The following CCND3 variants were observed in gnomAD, a reference collection of about 807,000 sequenced individuals.
CCND3 encodes cyclin D3.
Under a neutral mutation model 28.7 loss-of-function variants are expected in CCND3, and 9 were observed. The ratio of observed to expected loss-of-function variants is 0.31; its 90% CI spans 0.19 to 0.55. CCND3 has a LOEUF of 0.55. Ranked by LOEUF, CCND3 falls within the 20% of genes least tolerant of loss-of-function variation. The pLI is 0.93. For missense variants in CCND3, 315 were observed against 385.8 expected (o/e 0.82, Z 1.54); for synonymous variants, 164 against 163.9 (o/e 1.00, Z 0.00).
chr6:41,935,558 A>G lies in CCND3; in HGVS notation c.*382T>C. 4.7e-6 allele frequency: 2 copies of G among 426,324 alleles called. No homozygotes were observed. The highest frequency in any genetic ancestry group is 8.4e-6 in the Non-Finnish European group (2 of 237,102). 26.4% of individuals were successfully genotyped at this position (426,324 alleles called of 1,614,324 possible). A position where few individuals can be genotyped will look rare whatever the true frequency, so the allele number is the denominator to read the frequency against. On this transcript the variant is annotated 3_prime_UTR_variant, in exon 5 of 5. Coordinates refer to ENST00000372991, the MANE Select transcript of CCND3 (RefSeq NM_001760.5). ...CAAATGCAATAACCCTAGAAGGGACAACACCTTTAGAAGGCACTAGAGCAT... is the reference window on the plus strand; with the variant it reads ...CAAATGCAATAACCCTAGAAGGGACGACACCTTTAGAAGGCACTAGAGCAT...
chr6:41,941,087 C>T lies in CCND3; in HGVS notation c.198+365G>A. The T allele has an allele frequency of 6.5e-7, 1 of 1,550,090 alleles. No individual in the cohort carries two copies. Among genetic ancestry groups the T allele is most frequent in the Non-Finnish European group, 8.7e-7 (1 of 1,148,642 alleles). Reference sequence around the variant, plus strand: ...AAAGACACAGGAACCGGCTCCCGGGCGGGGGCGGCCGAGCCCAGGGTTTTC... The same window carrying T: ...AAAGACACAGGAACCGGCTCCCGGGTGGGGGCGGCCGAGCCCAGGGTTTTC... On this transcript the variant is annotated intron_variant, in intron 1 of 4. Transcript: ENST00000372991. The surrounding 1 kb of genome is among the most constrained non-coding windows in gnomAD (Gnocchi z 6.1).
At chr6:42,035,912 G>T (rs1032222950) in intron 1 of CCND3, among the ~76,000 whole-genome samples, 1 of 151,992 alleles carries the variant, frequency 6.6e-6, no homozygotes, top group East Asian at 1.9e-4. Context: ...TCCTGACTTT[G>T]TGATCCCCCC....
chr6:41,959,094 C>A (rs996967707), intron 1 of CCND3, among the ~76,000 whole-genome samples: 1 of 151,992 alleles, frequency 6.6e-6, no homozygotes, highest in Non-Finnish European at 1.5e-5. Context: ...GCTGGTGGAT[C>A]ACCTGAGGTC....
At chr6:41,964,645 G>A (rs1761834355) in intron 1 of CCND3, among the ~76,000 whole-genome samples, 1 of 152,138 alleles carries the variant, frequency 6.6e-6, no homozygotes, top group African/African-American at 2.4e-5. Context: ...GGCCTATGTG[G>A]TTCAGCACTG....
chr6:41,948,276 C>T (rs944843187), intron 1 of CCND3, among the ~76,000 whole-genome samples: 1 of 152,132 alleles, frequency 6.6e-6, no homozygotes, highest in Admixed American at 6.5e-5. Context: ...TACTCCCACA[C>T]CACACCACCA....
chr6:41,954,250 T>TAAAAAAAAAAACAAAAAAAAAA (rs1776383587), intron 1 of CCND3, among the ~76,000 whole-genome samples: 1 of 35,156 alleles, frequency 2.8e-5, no homozygotes. Context: ...GATTCTGCCT[T>TAAAAAAAAAAACAAAAAAAAAA]AAAAAAAAAA....
Position 41,936,127 on chromosome 6 carries a change from G to C in CCND3, c.712-20C>G. On this transcript the variant is annotated intron_variant, in intron 4 of 4. Transcript: ENST00000372991. The surrounding 1 kb of genome is among the most constrained non-coding windows in gnomAD (Gnocchi z 4.4). ...GCAGTCCTGGGAACATGGGAGAAGA[G>C]TGAGGAGCAAACACTCCCCCCATAG... 1 of 1,554,210 alleles carries C rather than the reference G, an allele frequency of 6.4e-7. No homozygotes were observed. Among genetic ancestry groups the C allele is most frequent in the South Asian group, 1.2e-5 (1 of 82,648 alleles).
At chr6:42,025,931 A>G (rs1763863045) in intron 1 of CCND3, among the ~76,000 whole-genome samples, 1 of 152,178 alleles carries the variant, frequency 6.6e-6, no homozygotes, top group Admixed American at 6.5e-5. Flanking sequence ...TGAGTGAATT[A>G]ATGAGTGAGT....
At chr6:41,984,404 T>C (rs7750075) in intron 1 of CCND3, among the ~76,000 whole-genome samples, 150,760 of 152,244 alleles carry the variant, frequency 0.99, 74,656 homozygotes, top group Middle Eastern at 1. Flanking sequence ...TGGAGTGCAA[T>C]GGCACAATCT....
At chr6:42,009,548 G>T (rs1763276811) in intron 1 of CCND3, among the ~76,000 whole-genome samples, 1 of 152,214 alleles carries the variant, frequency 6.6e-6, no homozygotes, top group Non-Finnish European at 1.5e-5. Flanking sequence ...GGAGGCGGAG[G>T]TTGCAGTGAG....
intron 1 of CCND3, among the ~76,000 whole-genome samples, chr6:42,036,377 CTATA>C (rs1162806893): frequency 0.031 from 1,871 of 59,488 alleles, 212 homozygotes; most frequent in Middle Eastern, 0.06. Context: ...TGCATATATA[CTATA>C]TATATATATA....
At chr6:41,963,090 A>AT (rs1761766875) in intron 1 of CCND3, among the ~76,000 whole-genome samples, 1 of 152,162 alleles carries the variant, frequency 6.6e-6, no homozygotes, top group African/African-American at 2.4e-5. Context: ...CATGACCTAA[A>AT]TTCTCCGTCC....
intron 1 of CCND3, among the ~76,000 whole-genome samples, chr6:41,959,689 C>T (rs1395154662): frequency 4.0e-5 from 5 of 124,214 alleles, no homozygotes; most frequent in Non-Finnish European, 8.4e-5. Context: ...TAAATCAGGC[C>T]AGGCGCGGTG....
intron 1 of CCND3, among the ~76,000 whole-genome samples, chr6:41,970,788 A>T (rs1054853208): frequency 1.3e-5 from 2 of 152,202 alleles, no homozygotes; most frequent in Non-Finnish European, 2.9e-5. Flanking sequence ...AATCAGATGC[A>T]ATTGAGAAAT....
At chr6:41,978,800 A>C (rs1418290684) in intron 1 of CCND3, among the ~76,000 whole-genome samples, 2 of 152,146 alleles carry the variant, frequency 1.3e-5, no homozygotes, top group Non-Finnish European at 2.9e-5. Flanking sequence ...CCTTTCTTTA[A>C]AAATGTTATT....
rs1424390337 is a variant in CCND3 at position 41,979,262 on chromosome 6, A to C, written c.-45-38677T>G. 1.3e-4 allele frequency among the ~76,000 whole-genome samples: 19 copies of C among 150,784 alleles called. No individual in the cohort carries two copies. The Admixed American group carries it at 1.3e-3, about 10-fold the overall frequency. ...AATATTCAAAATAACGGCCGGGCAC[A>C]GTGGCTCACACCTGTAATCCCAGCA... On this transcript the variant is annotated intron_variant, in intron 1 of 4. Coordinates refer to the CCND3 transcript ENST00000372988.
intron 1 of CCND3, among the ~76,000 whole-genome samples, chr6:41,967,580 A>G (rs534682527): frequency 1.3e-5 from 2 of 152,296 alleles, no homozygotes; most frequent in East Asian, 3.9e-4. Flanking sequence ...TGCAGATGCT[A>G]ATTCAACGCT....
intron 1 of CCND3, among the ~76,000 whole-genome samples, chr6:42,036,389 ATATATATATATATATTTTT>A (rs1341566773): frequency 1.8e-4 from 7 of 38,808 alleles, no homozygotes; most frequent in Admixed American, 3.2e-4. Flanking sequence ...ATATATATAT[ATATATATATATATATTTTT>A]TTTTTTTTTT....
chr6:41,978,710 C>T, intron 1 of CCND3, among the ~76,000 whole-genome samples: 1 of 151,958 alleles, frequency 6.6e-6, no homozygotes, highest in East Asian at 1.9e-4. Context: ...GACTTGTGCC[C>T]CTGTTTTACA....
Sources: gnomAD v4.1 joint callset for allele counts (sites outside exome capture counted in the v4.1 genomes callset) on GRCh38, gnomAD v4.1.1 for gene constraint, Gnocchi (gnomAD v3.1) non-coding constraint, MANE v1.5 for transcripts, NCBI Gene and HGNC (gene_info 2026-07-23, HGNC 2026-07-21) for gene names.